The following CPNE4 variants were observed in gnomAD, a reference collection of about 807,000 sequenced individuals.
CPNE4 encodes the protein copine-4.
A neutral mutation model predicts 67.9 loss-of-function variants in CPNE4; 25 were observed. The ratio of observed to expected loss-of-function variants is 0.37; its 90% confidence interval spans 0.27 to 0.51. The LOEUF (loss-of-function observed/expected upper bound fraction) is 0.51, where lower values mean the gene tolerates loss of function less well. CPNE4 is among the 20% of genes least tolerant of loss of function. CPNE4 has a pLI of 0.93. For missense variants in CPNE4, 464 were observed against 690.8 expected (o/e 0.67, Z 3.68); for synonymous variants, 242 against 244.9 (o/e 0.99, Z 0.11).
chr3:131,750,393 C>T (rs897016788), intron 2 of CPNE4, among the ~76,000 whole-genome samples: 5 of 152,008 alleles, frequency 3.3e-5, no homozygotes, highest in Non-Finnish European at 5.9e-5. Context: ...TTTTTCCTGC[C>T]ATCCTATGGG....
At chr3:131,889,510 G>T (rs567969331) in intron 2 of CPNE4, among the ~76,000 whole-genome samples, 67 of 152,282 alleles carry the variant, frequency 4.4e-4, no homozygotes, top group Non-Finnish European at 3.1e-4. Context: ...ATGAAAGCCT[G>T]GTGGATCACA....
intron 1 of CPNE4, among the ~76,000 whole-genome samples, chr3:131,909,362 T>TA (rs1342251686): frequency 1.3e-5 from 2 of 152,128 alleles, no homozygotes; most frequent in African/African-American, 4.8e-5. Context: ...TTGGTCCATA[T>TA]AAAAGATAGT....
intron 1 of CPNE4, among the ~76,000 whole-genome samples, chr3:132,026,677 G>A (rs1919983): frequency 0.24 from 35,720 of 151,946 alleles, 4,401 homozygotes; most frequent in East Asian, 0.38. Flanking sequence ...CAAGATAAAT[G>A]CATATTATCT....
intron 12 of CPNE4, 54 bp from the exon 13 acceptor site, chr3:131,552,545 A>T: frequency 6.7e-7 from 1 of 1,488,206 alleles, no homozygotes. Context: ...TACAACTTTA[A>T]TCCAGTAAGA....
intron 2 of CPNE4, among the ~76,000 whole-genome samples, chr3:131,747,266 A>G (rs2082514934): frequency 6.6e-6 from 1 of 151,982 alleles, no homozygotes. Context: ...TTTGCTGTGC[A>G]GAAGCTTTTT....
chr3:131,742,799 T>G (rs2082389861), intron 2 of CPNE4, among the ~76,000 whole-genome samples: 2 of 152,096 alleles, frequency 1.3e-5, no homozygotes, highest in Admixed American at 6.5e-5. Context: ...AAATAGATAT[T>G]TCAAACACCT....
intron 6 of CPNE4, among the ~76,000 whole-genome samples, chr3:131,684,427 C>T (rs2080835257): frequency 6.6e-6 from 1 of 152,174 alleles, no homozygotes; most frequent in African/African-American, 2.4e-5. Context: ...AATAGACATA[C>T]TATTTATATT....
intron 8 of CPNE4, among the ~76,000 whole-genome samples, chr3:131,586,177 C>T (rs920645024): frequency 6.6e-6 from 1 of 152,160 alleles, no homozygotes; most frequent in African/African-American, 2.4e-5. Flanking sequence ...AAGAAAAAGA[C>T]TTTCTCAAAA....
At chr3:131,996,785 T>C (rs2073306767) in intron 1 of CPNE4, among the ~76,000 whole-genome samples, 1 of 151,992 alleles carries the variant, frequency 6.6e-6, no homozygotes, top group Non-Finnish European at 1.5e-5. Flanking sequence ...GAGAGGATAA[T>C]GAGGGAATGG....
At chr3:131,741,043 T>A (rs7649716) in intron 2 of CPNE4, among the ~76,000 whole-genome samples, 44,632 of 152,054 alleles carry the variant, frequency 0.29, 6,629 homozygotes, top group Middle Eastern at 0.33. Flanking sequence ...TTGAAGCTTT[T>A]TCTTGCACCC....
At chr3:131,692,693 A>G (rs1454880169) in intron 5 of CPNE4, among the ~76,000 whole-genome samples, 1 of 152,178 alleles carries the variant, frequency 6.6e-6, no homozygotes, top group African/African-American at 2.4e-5. Flanking sequence ...CTAGCCCTTT[A>G]TTAAAAAGTT....
intron 2 of CPNE4, among the ~76,000 whole-genome samples, chr3:131,791,316 T>C (rs1003203131): frequency 1.3e-5 from 2 of 152,166 alleles, no homozygotes; most frequent in African/African-American, 4.8e-5. Flanking sequence ...TTCCAAGTTG[T>C]ATATCAAAAC....
intron 2 of CPNE4, among the ~76,000 whole-genome samples, chr3:131,894,752 C>A (rs998382669): frequency 2.0e-5 from 3 of 151,920 alleles, no homozygotes; most frequent in Non-Finnish European, 2.9e-5. Context: ...AGCACTTACA[C>A]GCTATTGGAG....
intron 2 of CPNE4, among the ~76,000 whole-genome samples, chr3:131,783,388 C>T (rs2083474752): frequency 6.6e-6 from 1 of 152,026 alleles, no homozygotes; most frequent in African/African-American, 2.4e-5. Flanking sequence ...ATTTTCCAGC[C>T]TCTATTGAAG....
chr3:131,988,308 G>A (rs913177994), intron 1 of CPNE4, among the ~76,000 whole-genome samples: 2 of 152,204 alleles, frequency 1.3e-5, no homozygotes, highest in East Asian at 1.9e-4. Context: ...AGGGCTTGAT[G>A]AGCCAGGTTA....
intron 1 of CPNE4, among the ~76,000 whole-genome samples, chr3:131,930,710 T>C (rs866284615): frequency 3.3e-5 from 5 of 152,104 alleles, no homozygotes; most frequent in Admixed American, 1.3e-4. Context: ...ACAGACTCAG[T>C]TGAAAAGTTC....
At chr3:131,572,863 C>T (rs548074958) in intron 10 of CPNE4, among the ~76,000 whole-genome samples, 25 of 152,210 alleles carry the variant, frequency 1.6e-4, no homozygotes, top group African/African-American at 5.8e-4. Context: ...CCTCTCTTCA[C>T]TTCTCATCTC....
At chr3:131,722,157 T>G (rs903862466) in intron 3 of CPNE4, among the ~76,000 whole-genome samples, 3 of 152,136 alleles carry the variant, frequency 2.0e-5, no homozygotes, top group Admixed American at 6.5e-5. Context: ...TAAGCACAAA[T>G]GAACAAGCAA....
At chr3:132,021,178 G>A (rs897757921) in intron 1 of CPNE4, among the ~76,000 whole-genome samples, 4 of 152,152 alleles carry the variant, frequency 2.6e-5, no homozygotes, top group Non-Finnish European at 5.9e-5. Flanking sequence ...TATGTAGAAT[G>A]GTCATGCAAG....
Sources: allele counts gnomAD v4.1 joint callset (sites outside exome capture counted in the v4.1 genomes callset), GRCh38; gene constraint gnomAD v4.1.1; transcripts MANE v1.5; gene names NCBI Gene and HGNC (gene_info 2026-07-23, HGNC 2026-07-21).